The following CAMKMT variants were observed in gnomAD, a reference collection of about 807,000 sequenced individuals.
CAMKMT encodes CaM KMT.
In CAMKMT, 53 loss-of-function variants were observed where a neutral mutation model predicts 48.0. The ratio of observed to expected loss-of-function variants is 1.10; its 90% CI spans 0.89 to 1.39. The LOEUF (loss-of-function observed/expected upper bound fraction) is 1.39. CAMKMT is among the 40% of genes most tolerant of loss of function. The probability of loss-of-function intolerance (pLI) is 0.00; values close to 1 mark genes in which losing one functional copy is unlikely to be tolerated. For missense variants in CAMKMT, 428 were observed against 402.7 expected (o/e 1.06, Z -0.54); for synonymous variants, 165 against 152.3 (o/e 1.08, Z -0.61).
intron 3 of CAMKMT, among the ~76,000 whole-genome samples, chr2:44,681,073 T>C (rs1675994931): frequency 6.6e-6 from 1 of 152,208 alleles, no homozygotes; most frequent in South Asian, 2.1e-4. Flanking sequence ...ACTCTTATTC[T>C]TTTGCCCTCA....
At chr2:44,412,981 C>G (rs998958001) in intron 3 of CAMKMT, among the ~76,000 whole-genome samples, 14 of 151,724 alleles carry the variant, frequency 9.2e-5, no homozygotes, top group Non-Finnish European at 1.5e-4. Flanking sequence ...GGGGCGGAGG[C>G]AGGAGAATGG....
At chr2:44,440,154 T>G (rs997681731) in intron 3 of CAMKMT, among the ~76,000 whole-genome samples, 16 of 152,172 alleles carry the variant, frequency 1.1e-4, no homozygotes, top group African/African-American at 3.9e-4. Context: ...CTTATAAAAA[T>G]GTACTCATTT....
intron 9 of CAMKMT, among the ~76,000 whole-genome samples, chr2:44,755,536 C>T (rs1030578017): frequency 6.6e-6 from 1 of 152,170 alleles, no homozygotes; most frequent in African/African-American, 2.4e-5. Flanking sequence ...AATAGTACTT[C>T]ACTCATCACC....
chr2:44,704,438 T>A, intron 4 of CAMKMT, 95 bp downstream of exon 4: 1 of 836,318 alleles, frequency 1.2e-6, no homozygotes, highest in Non-Finnish European at 1.8e-6. Context: ...AATTAAATTG[T>A]TAGAAAAAAA....
chr2:44,368,476 G>A (rs937461586), intron 1 of CAMKMT, among the ~76,000 whole-genome samples: 3 of 152,190 alleles, frequency 2.0e-5, no homozygotes, highest in African/African-American at 7.2e-5. Context: ...TATGTTGCCT[G>A]TTACTTTCAT....
Position 44,690,975 on chromosome 2 carries a change from C to CA in CAMKMT, c.377-13298dup, listed in dbSNP as rs554751267. Among the ~76,000 whole-genome samples, 1,335 of 147,438 alleles carry CA rather than the reference C, an allele frequency of 9.1e-3. 18 individuals are homozygous for CA. The highest frequency in any genetic ancestry group is 0.031 in the African/African-American group (1,260 of 40,170). The stretch of plus-strand genomic sequence containing the variant: ...TGGGCAACAAAGTGAGACTCCATCT[C>CA]AAAAAAAAAATAACAACAATAATAA... On this transcript the variant is annotated intron_variant, in intron 3 of 10. Coordinates refer to ENST00000378494, the MANE Select transcript of CAMKMT (RefSeq NM_024766.5).
chr2:44,405,157 T>C (rs1003788288), intron 3 of CAMKMT, among the ~76,000 whole-genome samples: 1 of 152,094 alleles, frequency 6.6e-6, no homozygotes, highest in African/African-American at 2.4e-5. Flanking sequence ...AGAGGTTAAG[T>C]ATCATTTTTC....
intron 3 of CAMKMT, among the ~76,000 whole-genome samples, chr2:44,408,547 C>G (rs1473725078): frequency 6.6e-6 from 1 of 152,010 alleles, no homozygotes; most frequent in Non-Finnish European, 1.5e-5. Flanking sequence ...GAAACTGTAT[C>G]TCAGAAGAGT....
At chr2:44,605,145 A>G (rs1044309917) in intron 3 of CAMKMT, among the ~76,000 whole-genome samples, 3 of 152,114 alleles carry the variant, frequency 2.0e-5, no homozygotes, top group Non-Finnish European at 4.4e-5. Context: ...TTTGTGTAAT[A>G]GGGAGACAAA....
At chr2:44,608,403 T>A (rs897802896) in intron 3 of CAMKMT, among the ~76,000 whole-genome samples, 1 of 152,036 alleles carries the variant, frequency 6.6e-6, no homozygotes, top group Non-Finnish European at 1.5e-5. Context: ...TAAGTTTTAT[T>A]TTTTTAAAAT....
At chr2:44,624,197 T>C (rs1672349427) in intron 3 of CAMKMT, among the ~76,000 whole-genome samples, 1 of 152,210 alleles carries the variant, frequency 6.6e-6, no homozygotes, top group African/African-American at 2.4e-5. Flanking sequence ...CTGGAAGCTA[T>C]TGTGAATCAA....
intron 3 of CAMKMT, among the ~76,000 whole-genome samples, chr2:44,622,584 A>G (rs1672259634): frequency 6.6e-6 from 1 of 152,218 alleles, no homozygotes; most frequent in Non-Finnish European, 1.5e-5. Context: ...ATAAGTGAGA[A>G]CATGCAGTAT....
chr2:44,486,189 A>C (rs1479513248), intron 3 of CAMKMT, among the ~76,000 whole-genome samples: 1 of 151,100 alleles, frequency 6.6e-6, no homozygotes, highest in African/African-American at 2.4e-5. Context: ...CTGGCCTTGA[A>C]CTCCTGGCCT....
intron 3 of CAMKMT, among the ~76,000 whole-genome samples, chr2:44,605,035 G>T (rs1016640826): frequency 1.1e-4 from 17 of 152,024 alleles, no homozygotes; most frequent in Admixed American, 6.6e-5. Flanking sequence ...CAATTACAAG[G>T]CCCTCATATA....
At chr2:44,700,210 G>A (rs1259835226) in intron 3 of CAMKMT, among the ~76,000 whole-genome samples, 5 of 152,194 alleles carry the variant, frequency 3.3e-5, no homozygotes, top group Admixed American at 3.3e-4. Flanking sequence ...CCTTGCTCTG[G>A]ATTGGGCTTT....
chr2:44,437,339 G>C (rs1666324817), intron 3 of CAMKMT, among the ~76,000 whole-genome samples: 2 of 152,258 alleles, frequency 1.3e-5, no homozygotes, highest in South Asian at 4.1e-4. Flanking sequence ...AGGCTAAAGT[G>C]AATCAGACTT....
chr2:44,394,378 A>G (rs892998536), intron 3 of CAMKMT, among the ~76,000 whole-genome samples: 5 of 151,510 alleles, frequency 3.3e-5, no homozygotes, highest in African/African-American at 1.2e-4. Context: ...ATATACTTGT[A>G]CATGTGACAG....
chr2:44,616,061 C>G (rs910461182), intron 3 of CAMKMT, among the ~76,000 whole-genome samples: 4 of 152,230 alleles, frequency 2.6e-5, no homozygotes, highest in Non-Finnish European at 5.9e-5. Flanking sequence ...AGCCTGGACA[C>G]CTCTTCTCCC....
intron 3 of CAMKMT, among the ~76,000 whole-genome samples, chr2:44,665,867 C>A (rs957612740): frequency 6.6e-6 from 1 of 152,124 alleles, no homozygotes; most frequent in African/African-American, 2.4e-5. Context: ...AGAACACTGG[C>A]AGCAGGGATG....
Sources: gnomAD v4.1 joint callset for allele counts (sites outside exome capture counted in the v4.1 genomes callset) on GRCh38, gnomAD v4.1.1 for gene constraint, MANE v1.5 for transcripts, NCBI Gene and HGNC (gene_info 2026-07-23, HGNC 2026-07-21) for gene names.